Variants in BNIP2 observed in about 807,000 individuals in gnomAD.
BNIP2 encodes the protein BCL2 interacting protein 2.
A neutral mutation model predicts 43.4 loss-of-function variants in BNIP2; 36 were observed. The ratio of observed to expected loss-of-function variants is 0.83; its 90% confidence interval spans 0.64 to 1.10. The LOEUF (loss-of-function observed/expected upper bound fraction) is 1.10, where lower values mean the gene tolerates loss of function less well. Among genes scored for constraint, BNIP2 ranks in the 50% least tolerant of loss-of-function variants. The pLI is 0.00. For synonymous variants in BNIP2, 146 were observed against 121.0 expected (o/e 1.21, Z -1.35); for missense variants, 417 against 374.1 (o/e 1.11, Z -0.95).
chr15:59,671,003 G>A (rs1182675706), intron 7 of BNIP2, among the ~76,000 whole-genome samples, 180 bp downstream of exon 7: 1 of 151,480 alleles, frequency 6.6e-6, no homozygotes, highest in Admixed American at 6.6e-5. Flanking sequence ...AACCTGGGAG[G>A]TGGAGGTTGC....
intron 1 of BNIP2, among the ~76,000 whole-genome samples, chr15:59,685,116 G>A (rs1475203517): frequency 6.6e-6 from 1 of 152,142 alleles, no homozygotes; most frequent in Non-Finnish European, 1.5e-5. Flanking sequence ...TTCCTCACTG[G>A]TAAGAGGAAA....
chr15:59,670,868 G>A (rs1892855157), intron 7 of BNIP2, among the ~76,000 whole-genome samples: 1 of 152,162 alleles, frequency 6.6e-6, no homozygotes, highest in African/African-American at 2.4e-5. Context: ...AAGGTCAGGA[G>A]TTCGAGACCA....
chr15:59,686,418 G>A lies in BNIP2; in HGVS notation c.-58+2717C>T, dbSNP rs542245604. ...TTTAAGATCGCATTAGAACTGTTTA[G>A]ATTATAACACAATTTTACACAGTGA... On this transcript the variant is annotated intron_variant, in intron 1 of 9. Transcript: ENST00000607373. Among the ~76,000 whole-genome samples the A allele has an allele frequency of 2.0e-5, 3 of 152,244 alleles. No homozygotes were observed. In the East Asian group the frequency reaches 5.8e-4, roughly 29 times the overall value.
chr15:59,678,102 A>G lies in BNIP2; in HGVS notation c.296-15T>C. 1 of 1,593,376 alleles carries G rather than the reference A, an allele frequency of 6.3e-7. No individual in the cohort carries two copies. Among genetic ancestry groups the G allele is most frequent in the Non-Finnish European group, 8.5e-7 (1 of 1,171,836 alleles). ...TGGAAGATCATCTGTCAAAATACAA[A>G]GTTTTTGAATCACAAATTGTTACAC... On this transcript the variant is annotated splice_polypyrimidine_tract_variant and intron_variant, in intron 4 of 9. Coordinates refer to ENST00000607373, the MANE Select transcript of BNIP2 (RefSeq NM_004330.4).
chr15:59,669,408 T>C, intron 7 of BNIP2, 46 bp from the exon 8 acceptor site: 2 of 1,268,986 alleles, frequency 1.6e-6, no homozygotes, highest in Non-Finnish European at 2.2e-6. Flanking sequence ...AAATTAAAAA[T>C]TTCTATAAAT....
At chr15:59,672,846 A>G (rs1032377647) in intron 5 of BNIP2, 107 bp from the exon 6 acceptor site, 5 of 723,002 alleles carry the variant, frequency 6.9e-6, no homozygotes, top group Non-Finnish European at 6.8e-6. Flanking sequence ...TACTTTTCAC[A>G]GATTTCTGTA....
chr15:59,681,538 T>G (rs1410639359), intron 2 of BNIP2, among the ~76,000 whole-genome samples: 1 of 150,440 alleles, frequency 6.6e-6, no homozygotes, highest in Non-Finnish European at 1.5e-5. Context: ...AACCCCTGCC[T>G]CCTGGGTTCA....
chr15:59,682,346 T>A (rs1016887819), intron 2 of BNIP2, 62 bp downstream of exon 2: 28 of 1,455,198 alleles, frequency 1.9e-5, no homozygotes, highest in Non-Finnish European at 2.5e-5. Flanking sequence ...AAAAGTAACA[T>A]CTCGATAAAG....
chr15:59,687,352 CTTTTTT>C (rs35912734), intron 1 of BNIP2, among the ~76,000 whole-genome samples: 1 of 137,774 alleles, frequency 7.3e-6, no homozygotes, highest in Admixed American at 7.3e-5. Context: ...TCTTTTCATC[CTTTTTT>C]TTTTTTTTTT....
At chr15:59,675,899 T>C (rs1893253513) in intron 5 of BNIP2, among the ~76,000 whole-genome samples, 3 of 152,230 alleles carry the variant, frequency 2.0e-5, no homozygotes, top group Non-Finnish European at 1.5e-5. Flanking sequence ...TATGAAATTC[T>C]AGAAGAGGCA....
chr15:59,683,669 A>G (rs748901808), intron 1 of BNIP2, among the ~76,000 whole-genome samples: 16 of 152,066 alleles, frequency 1.1e-4, no homozygotes, highest in Non-Finnish European at 2.1e-4. Flanking sequence ...ATACAAAAAC[A>G]TTAGCCGGAT....
intron 5 of BNIP2, chr15:59,676,634 C>G (rs1304469907): frequency 1.8e-6 from 1 of 564,596 alleles, no homozygotes; most frequent in African/African-American, 1.9e-5. Context: ...TTCAAAATTA[C>G]ATAATATCTC....
At chr15:59,669,578 G>A (rs6151560) in intron 7 of BNIP2, among the ~76,000 whole-genome samples, 2,328 of 152,278 alleles carry the variant, frequency 0.015, 64 homozygotes, top group African/African-American at 0.053. Context: ...CCAGATTTAC[G>A]TCCACAGTAT....
intron 5 of BNIP2, among the ~76,000 whole-genome samples, chr15:59,675,618 A>G (rs1434696774): frequency 5.3e-5 from 8 of 152,154 alleles, no homozygotes; most frequent in Admixed American, 4.6e-4. Context: ...AAACAAAACA[A>G]AACAAAAAGA....
intron 5 of BNIP2, 160 bp downstream of exon 5, chr15:59,677,751 T>C: frequency 2.6e-6 from 3 of 1,169,878 alleles, no homozygotes; most frequent in African/African-American, 1.6e-5. Context: ...CTCCAGGAAC[T>C]GGTTAGCAGG....
chr15:59,680,639 G>A (rs990676477), intron 2 of BNIP2, among the ~76,000 whole-genome samples: 1 of 152,182 alleles, frequency 6.6e-6, no homozygotes, highest in African/African-American at 2.4e-5. Context: ...GGGCTCAAAC[G>A]ATTCTCGTGC....
chr15:59,677,624 C>T (rs1175084876), intron 5 of BNIP2, among the ~76,000 whole-genome samples: 1 of 152,092 alleles, frequency 6.6e-6, no homozygotes, highest in Non-Finnish European at 1.5e-5. Flanking sequence ...TAAGCATGTT[C>T]AGGTTTACTT....
intron 5 of BNIP2, chr15:59,677,425 G>C (rs1595700019): frequency 6.8e-7 from 1 of 1,472,500 alleles, no homozygotes; most frequent in East Asian, 2.5e-5. Flanking sequence ...CACAGTCCTA[G>C]GAACCATTAT....
chr15:59,672,597 C>A, intron 6 of BNIP2, 40 bp downstream of exon 6: 1 of 1,345,560 alleles, frequency 7.4e-7, no homozygotes, highest in Non-Finnish European at 1.0e-6. Context: ...CTAATTAGCT[C>A]ACAATTCTGT....
Sources: gnomAD v4.1 joint callset for allele counts (sites outside exome capture counted in the v4.1 genomes callset) on GRCh38, gnomAD v4.1.1 for gene constraint, MANE v1.5 for transcripts, NCBI Gene and HGNC (gene_info 2026-07-23, HGNC 2026-07-21) for gene names.